The following LMF1 variants were observed in gnomAD, a reference collection of about 807,000 sequenced individuals.
The protein encoded by LMF1 is lipase maturation factor 1.
LMF1 carries 68 observed loss-of-function variants against 60.6 expected under a neutral mutation model. The ratio of observed to expected loss-of-function variants is 1.12; its 90% CI spans 0.92 to 1.37. The LOEUF is 1.37. LMF1 is among the 40% of genes most tolerant of loss of function. The probability of loss-of-function intolerance (pLI) is 0.00; values close to 1 mark genes in which losing one functional copy is unlikely to be tolerated. For missense variants in LMF1, 948 were observed against 767.2 expected, an observed-to-expected ratio of 1.24 and a Z score of -2.78; for synonymous variants, 418 against 324.7, an observed-to-expected ratio of 1.29 and a Z score of -3.09.
chr16:866,161 A>C (rs1360061991), intron 10 of LMF1, among the ~76,000 whole-genome samples: 1 of 152,200 alleles, frequency 6.6e-6, no homozygotes, highest in Non-Finnish European at 1.5e-5. Context: ...TGCTGTGACA[A>C]GTAATTTTTC....
chr16:924,963 GCA>G (rs2071552464), intron 3 of LMF1, among the ~76,000 whole-genome samples: 1 of 152,208 alleles, frequency 6.6e-6, no homozygotes, highest in Admixed American at 6.5e-5. Context: ...CAAGGCCACC[GCA>G]CAGACTGTGC....
Position 854,206 on chromosome 16 carries a change from C to T in LMF1, c.*326G>A. 1 of 556,232 alleles carries T rather than the reference C, an allele frequency of 1.8e-6. No homozygotes were observed. 34.5% of individuals were successfully genotyped at this position (556,232 alleles called of 1,614,324 possible). A position where few individuals can be genotyped will look rare whatever the true frequency, so the allele number is the denominator to read the frequency against. On this transcript the variant is annotated 3_prime_UTR_variant, in exon 11 of 11. Transcript: ENST00000262301. ...TCAGGGCTGTAGTGGAGGAAGGTGT[C>T]AGGATGGCCATTGTCTCAACTCCTG...
intron 1 of LMF1, among the ~76,000 whole-genome samples, chr16:977,866 A>G (rs938378337): frequency 2.7e-5 from 4 of 148,732 alleles, no homozygotes; most frequent in African/African-American, 1.0e-4. Context: ...CACATCACAA[A>G]CACACCCACA....
chr16:889,023 T>C (rs978878605), intron 5 of LMF1, among the ~76,000 whole-genome samples: 14 of 152,146 alleles, frequency 9.2e-5, no homozygotes, highest in Admixed American at 7.9e-4. Flanking sequence ...CAAGCGGCCG[T>C]CCATGCATCC....
At chr16:859,695 GCAGTGGTGTCTCGGGACGGGTGTGC>G (rs2069377286) in intron 10 of LMF1, among the ~76,000 whole-genome samples, 1 of 14,248 alleles carries the variant, frequency 7.0e-5, no homozygotes, top group Non-Finnish European at 1.1e-4. Context: ...GGACGGGTGT[GCAGTGGTGTCTCGGGACGGGTGTGC>G]AGTGGTGTCT....
intron 5 of LMF1, among the ~76,000 whole-genome samples, chr16:885,723 T>G (rs1199841555): frequency 6.6e-6 from 1 of 152,162 alleles, no homozygotes; most frequent in Non-Finnish European, 1.5e-5. Context: ...TCAAAAGACA[T>G]GAAGCAAAAA....
At chr16:886,305 C>T (rs950345255) in intron 5 of LMF1, among the ~76,000 whole-genome samples, 1 of 152,162 alleles carries the variant, frequency 6.6e-6, no homozygotes, top group African/African-American at 2.4e-5. Context: ...CACTGCTGAC[C>T]TTGAGGCGCC....
intron 1 of LMF1, among the ~76,000 whole-genome samples, chr16:958,700 A>G (rs2072758484): frequency 6.6e-6 from 1 of 152,174 alleles, no homozygotes; most frequent in Non-Finnish European, 1.5e-5. Context: ...CAGCCTGGCC[A>G]ATGTGGTGAA....
chr16:976,216 G>C (rs757094489), intron 1 of LMF1: 13 of 447,660 alleles, frequency 2.9e-5, no homozygotes, highest in Non-Finnish European at 5.4e-5. Flanking sequence ...CTGGGGCCCA[G>C]GGCCTCGCAT....
At chr16:855,403 TG>T in intron 10 of LMF1, 1 of 343,142 alleles carries the variant, frequency 2.9e-6, no homozygotes, top group Non-Finnish European at 5.7e-6. Flanking sequence ...GCCTGACCCC[TG>T]GTGACCAGGC....
intron 2 of LMF1, among the ~76,000 whole-genome samples, chr16:939,680 TA>T (rs1318247921): frequency 6.6e-6 from 1 of 152,246 alleles, no homozygotes; most frequent in African/African-American, 2.4e-5. Context: ...AAAGCTGCTG[TA>T]AGACAACGTC....
rs1294680140 is a variant in LMF1 at position 953,001 on chromosome 16, ACCCCAAAC to A, written c.503+1348_503+1355del. Among the ~76,000 whole-genome samples the A allele has an allele frequency of 4.7e-4, 21 of 44,796 alleles. 1 individual carries two copies. The highest frequency in any genetic ancestry group is 2.7e-3 in the African/African-American group (11 of 4,032). 29.4% of individuals were successfully genotyped at this position (44,796 alleles called of 152,430 possible). A position where few individuals can be genotyped will look rare whatever the true frequency, so the allele number is the denominator to read the frequency against. ...CAGCCTCCTACATATCCACACAGAC[ACCCCAAAC>A]CAGCCTCCTACATATCCACACAGAC... On this transcript the variant is annotated intron_variant, in intron 2 of 10. Coordinates refer to ENST00000262301, the MANE Select transcript of LMF1 (RefSeq NM_022773.4).
In LMF1 at chr16:970,965, G is replaced by C. The variant is rs757588466; in HGVS notation, c.16C>G (p.Pro6Ala). 6.5e-7 allele frequency: 1 copy of C among 1,526,916 alleles called. No homozygotes were observed. The highest frequency in any genetic ancestry group is 8.8e-7 in the Non-Finnish European group (1 of 1,132,486). The allele number at this position is 1,526,916 out of a possible 1,614,324, so 94.6% of individuals were successfully genotyped here. Residue 6 changes from proline to alanine, a missense_variant, in exon 1 of 11, where the codon CCA (proline) becomes GCA (alanine). Physicochemically the swap from Pro to Ala is conservative, Grantham distance 27 (BLOSUM62 -1). Transcript: ENST00000262301. MRPDS[P>A]TMAAPAESLR... Reference sequence around the variant, plus strand: ...GACTCCGCGGGCGCCGCCATTGTTGGGCTGTCAGGGCGCATGTGCGGGGAG... The same window carrying C: ...GACTCCGCGGGCGCCGCCATTGTTGCGCTGTCAGGGCGCATGTGCGGGGAG...
chr16:889,618 C>A (rs556305948), intron 5 of LMF1, among the ~76,000 whole-genome samples: 2 of 152,178 alleles, frequency 1.3e-5, no homozygotes, highest in Admixed American at 1.3e-4. Flanking sequence ...GGGGCACCCC[C>A]CTCTGACTCC....
intron 3 of LMF1, among the ~76,000 whole-genome samples, chr16:928,668 GCACGAGCCCATCCCCACGCCCC>G (rs532525298): frequency 6.1e-4 from 92 of 151,812 alleles, no homozygotes; most frequent in South Asian, 4.4e-3. Context: ...CCGGTTCCCT[GCACGAGCCCATCCCCACGCCCC>G]CACGAGCCCC....
chr16:954,819 G>A (rs2072631202), intron 1 of LMF1, among the ~76,000 whole-genome samples, 153 bp from the exon 2 acceptor site: 1 of 152,372 alleles, frequency 6.6e-6, no homozygotes, highest in Admixed American at 6.5e-5. Flanking sequence ...AGGAGTCTGA[G>A]TACTTTCTCA....
chr16:953,169 CCACA>C (rs1409429934), intron 2 of LMF1, among the ~76,000 whole-genome samples: 26 of 118,664 alleles, frequency 2.2e-4, no homozygotes, highest in Non-Finnish European at 4.3e-4. Flanking sequence ...TCCTGCACGT[CCACA>C]CAGACACCCC....
intron 1 of LMF1, among the ~76,000 whole-genome samples, chr16:959,844 C>A (rs550346189): frequency 7.6e-6 from 1 of 130,938 alleles, no homozygotes; most frequent in Non-Finnish European, 1.5e-5. Flanking sequence ...CTGGAATACA[C>A]CGTGTGCCAG....
chr16:908,712 C>T (rs1271359922), intron 4 of LMF1, among the ~76,000 whole-genome samples: 1 of 152,236 alleles, frequency 6.6e-6, no homozygotes, highest in Non-Finnish European at 1.5e-5. Flanking sequence ...TCCTGGGAGG[C>T]GGAGCCAGCC....
Sources: allele counts gnomAD v4.1 joint callset (sites outside exome capture counted in the v4.1 genomes callset), GRCh38; gene constraint gnomAD v4.1.1; transcripts MANE v1.5; gene names NCBI Gene and HGNC (gene_info 2026-07-23, HGNC 2026-07-21).